Variants in GRIK5 observed in about 807,000 individuals in gnomAD.
GRIK5 encodes glutamate ionotropic receptor kainate type subunit 5.
GRIK5 carries 43 observed loss-of-function variants against 97.4 expected under a neutral mutation model. That is an observed-to-expected ratio of 0.44 (90% confidence interval 0.35 to 0.57). The LOEUF is 0.57. GRIK5 is among the 20% of genes least tolerant of loss of function. The probability of loss-of-function intolerance (pLI) is 0.01; values close to 1 mark genes in which losing one functional copy is unlikely to be tolerated. For synonymous variants in GRIK5, 580 were observed against 583.5 expected, an observed-to-expected ratio of 0.99 and a Z score of 0.09; for missense variants, 1,015 against 1,382.0, an observed-to-expected ratio of 0.73 and a Z score of 4.21.
At chr19:42,053,956 G>A in intron 9 of GRIK5, 27 bp from the exon 10 acceptor site, 1 of 1,514,936 alleles carries the variant, frequency 6.6e-7, no homozygotes, top group East Asian at 2.3e-5. Context: ...GTGGGGCAGA[G>A]GGAGAGTGCA....
chr19:42,022,384 A>G lies in GRIK5; in HGVS notation c.1474-30T>C, dbSNP rs747652047. Reference sequence around the variant, plus strand: ...TGGAGGGGAAGCCGGGCAGGGGTGGAGGGGGACAGAGGGGAAGACAGAAGT... The same window carrying G: ...TGGAGGGGAAGCCGGGCAGGGGTGGGGGGGGACAGAGGGGAAGACAGAAGT... On this transcript the variant is annotated intron_variant, in intron 12 of 19. Coordinates refer to ENST00000593562, the MANE Select transcript of GRIK5 (RefSeq NM_002088.5). The surrounding 1 kb of genome is among the most constrained non-coding windows in gnomAD (Gnocchi z 4.2). 4 of 1,542,846 alleles carry G rather than the reference A, an allele frequency of 2.6e-6. No individual in the cohort carries two copies. The Admixed American group carries it at 6.9e-5, about 26-fold the overall frequency.
chr19:41,999,005 G>A lies in GRIK5; in HGVS notation c.2809C>T (p.Arg937Trp). The change falls in exon 20 of 20, where the codon CGG becomes TGG. Residue 937 changes from arginine (R) to tryptophan (W), a missense_variant. Arg to Trp is a moderately radical substitution (Grantham distance 101, BLOSUM62 -3). Coordinates refer to ENST00000593562, the MANE Select transcript of GRIK5 (RefSeq NM_002088.5). This position sits in a 1 kb window ranked among gnomAD's most constrained non-coding sequence, Gnocchi z 5.0. The part of the protein sequence containing the change: ...CTHVRVCQEC[R>W]RIQALRASGA... ...GAGGCCCGCAGCGCCTGGATGCGCC[G>A]GCACTCCTGGCAGACGCGCACGTGG... 1 of 1,228,916 alleles carries A rather than the reference G, an allele frequency of 8.1e-7. No homozygotes were observed. Among genetic ancestry groups the A allele is most frequent in the Non-Finnish European group, 1.0e-6 (1 of 979,196 alleles). The allele number at this position is 1,228,916 out of a possible 1,614,324, so 76.1% of individuals were successfully genotyped here.
At chr19:42,027,165 G>A (rs114605500) in intron 12 of GRIK5, among the ~76,000 whole-genome samples, 6 of 152,208 alleles carry the variant, frequency 3.9e-5, no homozygotes, top group African/African-American at 1.4e-4. Flanking sequence ...TCTAGCTTTG[G>A]GGATACGGCG....
rs900315906 is a variant in GRIK5 at position 42,022,855 on chromosome 19, G to A, written c.1474-501C>T. 1.3e-5 allele frequency among the ~76,000 whole-genome samples: 2 copies of A among 151,858 alleles called. No individual in the cohort carries two copies. Among genetic ancestry groups the A allele is most frequent in the Non-Finnish European group, 2.9e-5 (2 of 67,980 alleles). ...CCAGTGGAGACATAACCCAGGCCCC[G>A]GCCCAGTGTATAGTCAGGGAGATAG... is the stretch of plus-strand genomic sequence containing the variant. On this transcript the variant is annotated intron_variant, in intron 12 of 19. Transcript: ENST00000593562. The surrounding 1 kb of genome is among the most constrained non-coding windows in gnomAD (Gnocchi z 4.2).
intron 12 of GRIK5, among the ~76,000 whole-genome samples, chr19:42,030,615 C>T (rs536305374): frequency 1.3e-5 from 2 of 151,884 alleles, no homozygotes; most frequent in African/African-American, 4.8e-5. Flanking sequence ...TGTGCCATGC[C>T]CAGCTAATTT....
In GRIK5 at chr19:42,022,532, G is replaced by A. The variant is rs1468997503; in HGVS notation, c.1474-178C>T. ...AGGAGCCCACCTTGGGCCTGAAATCGGACCCTCATCGCATGTCCATCCTCA... is the reference window on the plus strand; with the variant it reads ...AGGAGCCCACCTTGGGCCTGAAATCAGACCCTCATCGCATGTCCATCCTCA... On this transcript the variant is annotated intron_variant, in intron 12 of 19. Transcript: ENST00000593562. This position sits in a 1 kb window ranked among gnomAD's most constrained non-coding sequence, Gnocchi z 4.2. 6 of 985,020 alleles carry A rather than the reference G, an allele frequency of 6.1e-6. No individual in the cohort carries two copies. The highest frequency in any genetic ancestry group is 3.5e-5 in the African/African-American group (2 of 57,142). The allele number at this position is 985,020 out of a possible 1,614,324, so 61.0% of individuals were successfully genotyped here.
intron 3 of GRIK5, chr19:42,063,479 T>G (rs1374390097): frequency 2.5e-6 from 1 of 401,572 alleles, no homozygotes; most frequent in Non-Finnish European, 5.0e-6. Context: ...TGGCACCTGA[T>G]GCAGGCCTTG....
At chr19:42,056,406 G>A (rs1286706836) in intron 8 of GRIK5, among the ~76,000 whole-genome samples, 1 of 152,198 alleles carries the variant, frequency 6.6e-6, no homozygotes, top group East Asian at 1.9e-4. Context: ...CAGGAAGCAG[G>A]GGGAAGAGGG....
rs782683084 is a variant in GRIK5, at chr19:42,003,285, C to T, written c.2514+47G>A. ...TGCCACAATCTTCACGCACCTCAGC[C>T]CCTGGGGGTCCCTGTTCCTGCCCAC... On this transcript the variant is annotated intron_variant, in intron 19 of 19. Coordinates refer to ENST00000593562, the MANE Select transcript of GRIK5 (RefSeq NM_002088.5). This position sits in a 1 kb window ranked among gnomAD's most constrained non-coding sequence, Gnocchi z 4.2. The T allele has an allele frequency of 1.9e-6, 3 of 1,579,394 alleles. No individual in the cohort carries two copies. Among genetic ancestry groups the T allele is most frequent in the Admixed American group, 3.4e-5 (2 of 59,458 alleles).
chr19:42,054,538 C>T (rs2076158717), intron 8 of GRIK5, 66 bp from the exon 9 acceptor site: 2 of 1,563,348 alleles, frequency 1.3e-6, no homozygotes, highest in African/African-American at 1.3e-5. Context: ...GCCCCAAAGG[C>T]CCCTGAGCTG....
chr19:42,053,777 C>A, intron 10 of GRIK5, 48 bp downstream of exon 10: 1 of 1,553,280 alleles, frequency 6.4e-7, no homozygotes. Flanking sequence ...TGGGCCCGCC[C>A]CCACCCTCAC....
intron 15 of GRIK5, among the ~76,000 whole-genome samples, chr19:42,018,583 C>G (rs938351322): frequency 1.4e-5 from 2 of 141,512 alleles, no homozygotes; most frequent in Non-Finnish European, 3.0e-5. Context: ...CACTTGATCC[C>G]GGGAGGTGGA....
At position 42,007,546 on chromosome 19, in the gene GRIK5, G is replaced by A. The variant is rs1362337886; in HGVS notation, c.1872-736C>T. Among the ~76,000 whole-genome samples the A allele has an allele frequency of 9.8e-5, 15 of 152,318 alleles. 2 individuals are homozygous for A. Among genetic ancestry groups the A allele is most frequent in the African/African-American group, 3.4e-4 (14 of 41,574 alleles). On this transcript the variant is annotated intron_variant, in intron 15 of 19. Transcript: ENST00000593562. ...AGCCCAGCAATCCTGCTGAGTTGCA[G>A]AGACGGAGACTGGTGATCAGGCAGG...
At chr19:42,063,119 A>T (rs530126778) in intron 3 of GRIK5, among the ~76,000 whole-genome samples, 174 of 152,292 alleles carry the variant, frequency 1.1e-3, no homozygotes, top group African/African-American at 4.2e-3. Context: ...ATGAAGAGAA[A>T]GAGACACCAG....
chr19:42,015,036 G>A (rs1476227955), intron 15 of GRIK5, among the ~76,000 whole-genome samples: 1 of 152,162 alleles, frequency 6.6e-6, no homozygotes, highest in Non-Finnish European at 1.5e-5. Flanking sequence ...GTTAACTTCA[G>A]AACACAGAAT....
At position 42,062,735 on chromosome 19, in the gene GRIK5, C is replaced by T. The variant is rs763248120; in HGVS notation, c.342+23G>A. 5 of 1,612,360 alleles carry T rather than the reference C, an allele frequency of 3.1e-6. No homozygotes were observed. The highest frequency in any genetic ancestry group is 1.7e-5 in the Admixed American group (1 of 60,020). On this transcript the variant is annotated intron_variant, in intron 4 of 19. Transcript: ENST00000593562. The surrounding 1 kb of genome is among the most constrained non-coding windows in gnomAD (Gnocchi z 5.3). The stretch of plus-strand genomic sequence containing the variant: ...CCAGGGACCCGCTCCCCACAAAGCG[C>T]CGGCCCACACTCCCCATCTCACCTC...
At position 42,006,827 on chromosome 19, in the gene GRIK5, G is replaced by T. The variant is rs782654210; in HGVS notation, c.1872-17C>A. 1.3e-6 allele frequency: 2 copies of T among 1,575,374 alleles called. No homozygotes were observed. The highest frequency in any genetic ancestry group is 1.7e-5 in the Admixed American group (1 of 57,400). On this transcript the variant is annotated splice_polypyrimidine_tract_variant and intron_variant, in intron 15 of 19. Coordinates refer to ENST00000593562, the MANE Select transcript of GRIK5 (RefSeq NM_002088.5). The surrounding 1 kb of genome is among the most constrained non-coding windows in gnomAD (Gnocchi z 5.3). ...AAGGCCCACCTGAAGGGTGGGAGGGGTGAGTCACGGGCTGGAGTCACCCCT... is the reference window on the plus strand; with the variant it reads ...AAGGCCCACCTGAAGGGTGGGAGGGTTGAGTCACGGGCTGGAGTCACCCCT...
intron 12 of GRIK5, among the ~76,000 whole-genome samples, chr19:42,041,130 G>A (rs975208192): frequency 2.6e-5 from 4 of 152,134 alleles, no homozygotes; most frequent in African/African-American, 9.7e-5. Flanking sequence ...GTGCCCTAAG[G>A]GATAAACGTC....
intron 15 of GRIK5, among the ~76,000 whole-genome samples, chr19:42,020,477 A>G (rs2075683299): frequency 6.6e-6 from 1 of 152,234 alleles, no homozygotes; most frequent in Admixed American, 6.5e-5. Context: ...CGTGTGAACC[A>G]GAGCAACTCC....
Sources: allele counts gnomAD v4.1 joint callset (sites outside exome capture counted in the v4.1 genomes callset), GRCh38; gene constraint gnomAD v4.1.1; non-coding constraint Gnocchi (gnomAD v3.1); transcripts MANE v1.5; gene names NCBI Gene and HGNC (gene_info 2026-07-23, HGNC 2026-07-21).